Variants in MALRD1 observed in about 807,000 individuals in gnomAD.
The protein encoded by MALRD1 is MAM and LDL receptor class A domain containing 1, also known as MAM and LDL-receptor class A domain-containing protein 1.
Under a neutral mutation model 242.1 loss-of-function variants are expected in MALRD1, and 247 were observed. The ratio of observed to expected loss-of-function variants is 1.02; its 90% CI spans 0.92 to 1.13. MALRD1 has a LOEUF of 1.13. MALRD1 is among the 50% of genes most tolerant of loss of function. The pLI, the probability that MALRD1 is intolerant of heterozygous loss-of-function variation, is 0.00. For missense variants in MALRD1, 2,989 were observed against 2,533.1 expected, an observed-to-expected ratio of 1.18 and a Z score of -3.86; for synonymous variants, 995 against 866.6, an observed-to-expected ratio of 1.15 and a Z score of -2.60.
chr10:19,699,946 T>A (rs532176336), intron 38 of MALRD1, among the ~76,000 whole-genome samples: 4 of 151,138 alleles, frequency 2.6e-5, no homozygotes, highest in Admixed American at 2.6e-4. Context: ...TGGCAACAAA[T>A]AACCAAACTA....
chr10:19,341,712 A>G (rs1843887522), intron 24 of MALRD1, among the ~76,000 whole-genome samples: 1 of 151,940 alleles, frequency 6.6e-6, no homozygotes, highest in East Asian at 1.9e-4. Context: ...TCATTGAGAA[A>G]TTAATATTTG....
intron 24 of MALRD1, among the ~76,000 whole-genome samples, chr10:19,346,932 G>A (rs944132800): frequency 2.6e-5 from 4 of 151,968 alleles, no homozygotes; most frequent in Admixed American, 2.0e-4. Flanking sequence ...TTACAGGTGT[G>A]AGCCACCATG....
Position 19,088,190 on chromosome 10 carries a change from G to A in MALRD1, c.597+5G>A. ...CAGAGTTCACAGAGATTTCAGGTAT[G>A]TGTGTTCTATTTTCTAACTATGGCC... is the stretch of plus-strand genomic sequence containing the variant. On this transcript the variant is annotated splice_donor_5th_base_variant and intron_variant, in intron 4 of 39. Coordinates refer to ENST00000454679, the MANE Select transcript of MALRD1 (RefSeq NM_001142308.3). 1 of 1,233,102 alleles carries A rather than the reference G, an allele frequency of 8.1e-7. No homozygotes were observed. Among genetic ancestry groups the A allele is most frequent in the Non-Finnish European group, 1.0e-6 (1 of 987,564 alleles). The allele number at this position is 1,233,102 out of a possible 1,614,324, so 76.4% of individuals were successfully genotyped here.
chr10:19,247,358 T>C (rs1564500354), intron 18 of MALRD1, among the ~76,000 whole-genome samples: 4 of 152,028 alleles, frequency 2.6e-5, no homozygotes, highest in Admixed American at 2.0e-4. Context: ...TAATGAAATA[T>C]CTCTTAAATA....
At chr10:19,590,499 C>T (rs1055374290) in intron 33 of MALRD1, among the ~76,000 whole-genome samples, 1 of 151,338 alleles carries the variant, frequency 6.6e-6, no homozygotes, top group African/African-American at 2.4e-5. Flanking sequence ...TCTAAGAAAT[C>T]TCTGATTTAG....
At chr10:19,726,199 G>A (rs577848643) in intron 38 of MALRD1, among the ~76,000 whole-genome samples, 7 of 152,134 alleles carry the variant, frequency 4.6e-5, no homozygotes, top group African/African-American at 9.6e-5. Flanking sequence ...TCAAAAGTAC[G>A]TATCTGATAA....
chr10:19,466,245 G>A (rs1836213314), intron 29 of MALRD1, among the ~76,000 whole-genome samples: 1 of 152,082 alleles, frequency 6.6e-6, no homozygotes. Context: ...ATAAGATAAT[G>A]TAAATATGTT....
intron 35 of MALRD1, among the ~76,000 whole-genome samples, chr10:19,612,070 A>G (rs1838925372): frequency 6.6e-6 from 1 of 152,014 alleles, no homozygotes; most frequent in Non-Finnish European, 1.5e-5. Flanking sequence ...TTGTTTTCTG[A>G]TACTCTGCAG....
chr10:19,101,198 CTAT>C (rs1836237275), intron 4 of MALRD1, among the ~76,000 whole-genome samples: 2 of 149,570 alleles, frequency 1.3e-5, no homozygotes, highest in South Asian at 4.2e-4. Context: ...GGTCCTGTTG[CTAT>C]TAAGTGTTAT....
At chr10:19,246,119 A>T (rs961401106) in intron 18 of MALRD1, among the ~76,000 whole-genome samples, 1 of 152,134 alleles carries the variant, frequency 6.6e-6, no homozygotes, top group Non-Finnish European at 1.5e-5. Context: ...TTGGTAGACA[A>T]CTGACTATAT....
chr10:19,254,741 T>G (rs953554064), intron 18 of MALRD1, among the ~76,000 whole-genome samples: 1 of 151,838 alleles, frequency 6.6e-6, no homozygotes, highest in African/African-American at 2.4e-5. Flanking sequence ...GAAAATACAT[T>G]ATAGTTATAA....
At position 19,312,410 on chromosome 10, in the gene MALRD1, G is replaced by GTA. The variant is rs1487836190; in HGVS notation, c.3420-11538_3420-11537insAT. Among the ~76,000 whole-genome samples the GTA allele has an allele frequency of 4.5e-3, 640 of 141,498 alleles. 5 individuals carry two copies. Among genetic ancestry groups the GTA allele is most frequent in the African/African-American group, 0.016 (598 of 36,654 alleles). The allele number at this position is 141,498 out of a possible 152,430, so 92.8% of individuals were successfully genotyped here. A position where few individuals can be genotyped will look rare whatever the true frequency, so the allele number is the denominator to read the frequency against. On this transcript the variant is annotated intron_variant, in intron 21 of 39. Transcript: ENST00000454679. ...TATATATATATATATATGTGTATAT[G>GTA]TGTGTGTGTGTGTGTGTGAGAGAGA...
chr10:19,168,181 A>G (rs1387400382), intron 13 of MALRD1, among the ~76,000 whole-genome samples: 1 of 152,178 alleles, frequency 6.6e-6, no homozygotes, highest in Non-Finnish European at 1.5e-5. Context: ...AATTTATTCT[A>G]TTCTCATATT....
At chr10:19,697,484 C>G (rs1833433248) in intron 38 of MALRD1, among the ~76,000 whole-genome samples, 1 of 152,040 alleles carries the variant, frequency 6.6e-6, no homozygotes, top group South Asian at 2.1e-4. Context: ...ACAGCAACCT[C>G]TAGACTAGTG....
At position 19,352,071 on chromosome 10, in the gene MALRD1, C is replaced by G; in HGVS notation, c.4215C>G (p.Val1405=). 1 of 1,550,424 alleles carries G rather than the reference C, an allele frequency of 6.4e-7. No individual in the cohort carries two copies. The highest frequency in any genetic ancestry group is 8.7e-7 in the Non-Finnish European group (1 of 1,146,862). ...CACTCACCTTAATGCAGGTGTCAGT[C>G]ACAAACCAAACGAAGGTTCTACTTA... ...IGALTLMQVS[V]TNQTKVLLNL... Residue 1405 remains valine, a synonymous_variant, in exon 26 of 40, where the codon GTC becomes GTG. Coordinates refer to ENST00000454679, the MANE Select transcript of MALRD1 (RefSeq NM_001142308.3).
chr10:19,573,950 A>G (rs1189272250), intron 33 of MALRD1, among the ~76,000 whole-genome samples: 1 of 152,192 alleles, frequency 6.6e-6, no homozygotes, highest in East Asian at 1.9e-4. Context: ...GAAAGAAAAT[A>G]GACCTTCGGA....
chr10:19,323,400 A>G (rs144514475), intron 21 of MALRD1, among the ~76,000 whole-genome samples: 2 of 152,276 alleles, frequency 1.3e-5, no homozygotes, highest in African/African-American at 4.8e-5. Context: ...GTTATTACAG[A>G]TTTGGTAGTT....
chr10:19,297,154 T>C (rs1225807459), intron 21 of MALRD1, among the ~76,000 whole-genome samples: 2 of 151,060 alleles, frequency 1.3e-5, no homozygotes, highest in African/African-American at 4.8e-5. Flanking sequence ...CTGTATTTCA[T>C]GTGTTTTTGA....
Position 19,540,080 on chromosome 10 carries a change from G to T in MALRD1, c.5478+8729G>T, listed in dbSNP as rs549949606. Reference sequence around the variant, plus strand: ...GCTGCTCAAGGACGAGGGCCACCAAGACTGTATCTTCTTTGTCAAACTCAC... The same window carrying T: ...GCTGCTCAAGGACGAGGGCCACCAATACTGTATCTTCTTTGTCAAACTCAC... On this transcript the variant is annotated intron_variant, in intron 32 of 39. Transcript: ENST00000454679. 1.6e-4 allele frequency among the ~76,000 whole-genome samples: 24 copies of T among 152,058 alleles called. No homozygotes were observed. The South Asian group carries it at 5.0e-3, about 32-fold the overall frequency.
Sources: gnomAD v4.1 joint callset for allele counts (sites outside exome capture counted in the v4.1 genomes callset) on GRCh38, gnomAD v4.1.1 for gene constraint, MANE v1.5 for transcripts, NCBI Gene and HGNC (gene_info 2026-07-23, HGNC 2026-07-21) for gene names.